PTPRG: variants seen among roughly 807,000 people sequenced by gnomAD.
PTPRG encodes protein tyrosine phosphatase receptor type G, also known as receptor-type tyrosine-protein phosphatase gamma.
A neutral mutation model predicts 165.3 loss-of-function variants in PTPRG; 102 were observed. The ratio of observed to expected loss-of-function variants is 0.62; its 90% CI spans 0.53 to 0.73. PTPRG has a LOEUF of 0.73. Among genes scored for constraint, PTPRG ranks in the 30% least tolerant of loss-of-function variants. The probability of loss-of-function intolerance (pLI) is 0.00; values close to 1 mark genes in which losing one functional copy is unlikely to be tolerated. For synonymous variants in PTPRG, 675 were observed against 669.5 expected (o/e 1.01, Z -0.13); for missense variants, 1,866 against 1,861.4 (o/e 1.00, Z -0.05).
chr3:62,215,502 C>T (rs1278857460), intron 12 of PTPRG, among the ~76,000 whole-genome samples: 7 of 149,972 alleles, frequency 4.7e-5, no homozygotes, highest in African/African-American at 1.5e-4. Context: ...CATTTGGAGA[C>T]TGTCCACAGT....
chr3:62,111,186 T>C (rs1702655287), intron 5 of PTPRG, among the ~76,000 whole-genome samples: 1 of 152,196 alleles, frequency 6.6e-6, no homozygotes, highest in Admixed American at 6.5e-5. Flanking sequence ...CCCTTCTCTG[T>C]GCATTTCTTG....
At chr3:61,940,824 C>G (rs957158519) in intron 2 of PTPRG, among the ~76,000 whole-genome samples, 1 of 151,982 alleles carries the variant, frequency 6.6e-6, no homozygotes, top group African/African-American at 2.4e-5. Flanking sequence ...CCACCATGCC[C>G]GGCTAATTTT....
At chr3:62,017,659 C>T (rs1410005475) in intron 4 of PTPRG, among the ~76,000 whole-genome samples, 3 of 151,694 alleles carry the variant, frequency 2.0e-5, no homozygotes, top group South Asian at 4.2e-4. Flanking sequence ...CTCCTGACCT[C>T]GTGATCCGCC....
At chr3:61,792,200 G>A (rs1377335990) in intron 2 of PTPRG, among the ~76,000 whole-genome samples, 1 of 151,856 alleles carries the variant, frequency 6.6e-6, no homozygotes, top group Middle Eastern at 3.2e-3. Flanking sequence ...TTCTTGAGGC[G>A]GGGAGTTGGG....
chr3:61,935,363 C>T (rs1372840613), intron 2 of PTPRG, among the ~76,000 whole-genome samples: 1 of 152,204 alleles, frequency 6.6e-6, no homozygotes, highest in African/African-American at 2.4e-5. Context: ...TCTCCACACT[C>T]TTGACTACAA....
chr3:61,751,196 C>T (rs1366288235), intron 2 of PTPRG: 1 of 152,164 alleles, frequency 6.6e-6, no homozygotes, highest in Admixed American at 6.5e-5. Context: ...CACAGACATT[C>T]CTTAGCATTT....
rs57675678 is a variant in PTPRG, at chr3:61,970,229, CATGAG to C, written c.191-19395_191-19391del. On this transcript the variant is annotated intron_variant, in intron 2 of 29. Coordinates refer to ENST00000474889, the MANE Select transcript of PTPRG (RefSeq NM_002841.4). ...GCTTTTTGGATGGCATTGAGAAACT[CATGAG>C]GAGAAGGAAAGAAGGCCTTTAATTT... Among the ~76,000 whole-genome samples the C allele has an allele frequency of 3.3e-5, 5 of 152,120 alleles. No individual in the cohort carries two copies. In the East Asian group the frequency reaches 9.7e-4, roughly 30 times the overall value.
chr3:61,592,629 TTTTCTTTC>T (rs572514416), intron 1 of PTPRG, among the ~76,000 whole-genome samples: 157 of 147,096 alleles, frequency 1.1e-3, no homozygotes, highest in African/African-American at 1.7e-3. Context: ...TTCTCTCTCT[TTTTCTTTC>T]TTTCTTTCTT....
At chr3:62,001,869 C>G (rs576295457) in intron 3 of PTPRG, among the ~76,000 whole-genome samples, 17 of 152,270 alleles carry the variant, frequency 1.1e-4, no homozygotes, top group African/African-American at 4.1e-4. Flanking sequence ...TGAGTAGTTA[C>G]AGTAGAGACC....
chr3:61,950,931 C>T lies in PTPRG; in HGVS notation c.191-38694C>T, dbSNP rs142446685. Among the ~76,000 whole-genome samples, 21 of 152,336 alleles carry T rather than the reference C, an allele frequency of 1.4e-4. No homozygotes were observed. The East Asian group carries it at 3.7e-3, about 27-fold the overall frequency. ...ATTTTGCAGTAATCCTATGTCCTGTCATGTGGACAAGTATTTCAACCCAGC... is the reference window on the plus strand; with the variant it reads ...ATTTTGCAGTAATCCTATGTCCTGTTATGTGGACAAGTATTTCAACCCAGC... On this transcript the variant is annotated intron_variant, in intron 2 of 29. Coordinates refer to ENST00000474889, the MANE Select transcript of PTPRG (RefSeq NM_002841.4).
intron 2 of PTPRG, among the ~76,000 whole-genome samples, chr3:61,893,107 G>T (rs943737873): frequency 6.6e-6 from 1 of 152,180 alleles, no homozygotes; most frequent in East Asian, 1.9e-4. Flanking sequence ...AGGTGCAGAT[G>T]AATGCTGCTG....
At chr3:61,850,808 G>C (rs1233558811) in intron 2 of PTPRG, among the ~76,000 whole-genome samples, 1 of 152,176 alleles carries the variant, frequency 6.6e-6, no homozygotes, top group Admixed American at 6.5e-5. Context: ...GCAAAAATGA[G>C]AGCACCATCT....
chr3:62,065,073 A>G (rs1399675390), intron 4 of PTPRG, among the ~76,000 whole-genome samples: 1 of 148,666 alleles, frequency 6.7e-6, no homozygotes, highest in Non-Finnish European at 1.5e-5. Context: ...TACCCATCCA[A>G]TGGTAAAAAA....
chr3:61,952,789 G>A (rs1000690987), intron 2 of PTPRG, among the ~76,000 whole-genome samples: 2 of 152,066 alleles, frequency 1.3e-5, no homozygotes, highest in African/African-American at 4.8e-5. Flanking sequence ...TCATCAGCCA[G>A]CTCCTATCAG....
Position 62,267,769 on chromosome 3 carries a change from C to G in PTPRG, c.2824C>G (p.Gln942Glu), listed in dbSNP as rs748515917. 1.9e-6 allele frequency: 3 copies of G among 1,613,264 alleles called. No individual in the cohort carries two copies. Among genetic ancestry groups the G allele is most frequent in the Non-Finnish European group, 2.5e-6 (3 of 1,179,516 alleles). The change falls in exon 19 of 30, where the codon CAA becomes GAA. Residue 942 changes from glutamine (Q) to glutamate (E), a missense_variant. Physicochemically the swap from Gln to Glu is conservative, Grantham distance 29 (BLOSUM62 2). Coordinates refer to ENST00000474889, the MANE Select transcript of PTPRG (RefSeq NM_002841.4). ...AGATTTCTGGAGGATGATTTGGGAA[C>G]AAAACACTGGAATCATTGTGATGAT... ...FEDFWRMIWE[Q>E]NTGIIVMITN...
At chr3:61,607,692 G>T (rs958446657) in intron 1 of PTPRG, among the ~76,000 whole-genome samples, 3 of 152,128 alleles carry the variant, frequency 2.0e-5, no homozygotes, top group Non-Finnish European at 4.4e-5. Flanking sequence ...AGGCCAGGAG[G>T]GGGAAGTTGT....
intron 2 of PTPRG, among the ~76,000 whole-genome samples, chr3:61,829,811 T>G (rs1002003052): frequency 1.1e-4 from 17 of 152,194 alleles, no homozygotes; most frequent in African/African-American, 3.6e-4. Flanking sequence ...TAGATTAATT[T>G]AGCTGGTGTA....
intron 1 of PTPRG, among the ~76,000 whole-genome samples, chr3:61,656,315 T>G (rs190473940): frequency 6.6e-6 from 1 of 152,128 alleles, no homozygotes; most frequent in Admixed American, 6.5e-5. Context: ...ATGCAGAAGG[T>G]GAGGTGACAC....
Position 61,834,145 on chromosome 3 carries a change from C to T in PTPRG, c.190+85163C>T, listed in dbSNP as rs531260866. Among the ~76,000 whole-genome samples, 4 of 152,294 alleles carry T rather than the reference C, an allele frequency of 2.6e-5. No individual in the cohort carries two copies. In the East Asian group the frequency reaches 7.7e-4, roughly 29 times the overall value. ...ATTTGCCTTGGAAGGATGTTTGTTA[C>T]AGCATCTTTTCTTCTTTCTTTGACA... is the stretch of plus-strand genomic sequence containing the variant. On this transcript the variant is annotated intron_variant, in intron 2 of 29. Coordinates refer to ENST00000474889, the MANE Select transcript of PTPRG (RefSeq NM_002841.4).
Sources: gnomAD v4.1 joint callset for allele counts (sites outside exome capture counted in the v4.1 genomes callset) on GRCh38, gnomAD v4.1.1 for gene constraint, MANE v1.5 for transcripts, NCBI Gene and HGNC (gene_info 2026-07-23, HGNC 2026-07-21) for gene names.